The following CDC16 variants were observed in gnomAD, a reference collection of about 807,000 sequenced individuals.
CDC16 encodes cell division cycle 16.
CDC16 carries 34 observed loss-of-function variants against 87.0 expected under a neutral mutation model. The ratio of observed to expected loss-of-function variants is 0.39; its 90% CI spans 0.30 to 0.52. The LOEUF (loss-of-function observed/expected upper bound fraction) is 0.52, where lower values mean the gene tolerates loss of function less well. Ranked by LOEUF, CDC16 falls within the 20% of genes least tolerant of loss-of-function variation. CDC16 has a pLI of 0.74. For missense variants in CDC16, 653 were observed against 751.9 expected (o/e 0.87, Z 1.54); for synonymous variants, 263 against 260.6 (o/e 1.01, Z -0.09).
At chr13:114,266,597 C>G (rs1307130922) in intron 17 of CDC16, among the ~76,000 whole-genome samples, 5 of 152,198 alleles carry the variant, frequency 3.3e-5, no homozygotes, top group African/African-American at 1.2e-4. Context: ...CCCCTTAGAA[C>G]CTGGGTTTCG....
At chr13:114,258,025 TC>T (rs906467244) in intron 13 of CDC16, among the ~76,000 whole-genome samples, 2 of 152,156 alleles carry the variant, frequency 1.3e-5, no homozygotes, top group African/African-American at 4.8e-5. Context: ...GACCTGGTGA[TC>T]CGCCTGCCTC....
At chr13:114,248,159 C>T (rs1397556244) in intron 11 of CDC16, among the ~76,000 whole-genome samples, 2 of 152,126 alleles carry the variant, frequency 1.3e-5, no homozygotes, top group African/African-American at 4.8e-5. Context: ...GCTATTTAAC[C>T]AGTATTATTC....
intron 4 of CDC16, 53 bp from the exon 5 acceptor site, chr13:114,239,297 T>C (rs2138865986): frequency 1.3e-6 from 2 of 1,555,932 alleles, no homozygotes; most frequent in Non-Finnish European, 8.7e-7. Flanking sequence ...TCGGATCATG[T>C]GTTTCGTGTT....
At chr13:114,256,838 C>T (rs191852948) in intron 12 of CDC16, among the ~76,000 whole-genome samples, 1 of 151,918 alleles carries the variant, frequency 6.6e-6, no homozygotes, top group African/African-American at 2.4e-5. Flanking sequence ...TGTTTTTTTA[C>T]TGTGGAATAA....
At chr13:114,247,265 A>G (rs951906222) in intron 11 of CDC16, 11 of 413,766 alleles carry the variant, frequency 2.7e-5, no homozygotes, top group African/African-American at 4.1e-5. Flanking sequence ...TCAAACTCAA[A>G]TGATCCTCTT....
chr13:114,255,622 T>C (rs189769673), intron 12 of CDC16, among the ~76,000 whole-genome samples: 1 of 152,090 alleles, frequency 6.6e-6, no homozygotes, highest in Non-Finnish European at 1.5e-5. Context: ...CCCAGACACT[T>C]CTGGTCTCAA....
intron 8 of CDC16, among the ~76,000 whole-genome samples, chr13:114,244,300 C>T (rs566238744): frequency 1.3e-5 from 2 of 152,326 alleles, no homozygotes; most frequent in South Asian, 4.1e-4. Context: ...AATTATGAGA[C>T]TCACACTGTA....
intron 11 of CDC16, among the ~76,000 whole-genome samples, chr13:114,249,989 T>TCCATTA (rs1375248030): frequency 2.6e-5 from 4 of 152,196 alleles, no homozygotes; most frequent in African/African-American, 7.2e-5. Flanking sequence ...TGGATGTTAA[T>TCCATTA]GTTTTTGAGG....
At chr13:114,244,997 T>TAAA (rs2081777911) in intron 9 of CDC16, 28 bp downstream of exon 9, 1 of 1,301,594 alleles carries the variant, frequency 7.7e-7, no homozygotes, top group South Asian at 1.3e-5. Flanking sequence ...ATTAAAGTAA[T>TAAA]TCTTAGACAT....
At chr13:114,242,068 AAGTT>A in intron 5 of CDC16, 49 bp from the exon 6 acceptor site, 4 of 1,548,368 alleles carry the variant, frequency 2.6e-6, no homozygotes, top group Non-Finnish European at 2.6e-6. Context: ...GAAAAAAAAA[AAGTT>A]AAGTTTAAAA....
At chr13:114,239,778 C>T (rs780715363) in intron 5 of CDC16, among the ~76,000 whole-genome samples, 13 of 152,120 alleles carry the variant, frequency 8.5e-5, no homozygotes, top group South Asian at 2.1e-4. Flanking sequence ...AATTTTTCTT[C>T]TCCTTTCTGT....
rs1355228137 is a variant in CDC16, at chr13:114,235,144, C to T, written c.48+12C>T. ...AGTACCTCGACCAGGTGGGCGGCCCCGACTCGGGGTGCGGGGCCCAGGCCT... is the reference window on the plus strand; with the variant it reads ...AGTACCTCGACCAGGTGGGCGGCCCTGACTCGGGGTGCGGGGCCCAGGCCT... On this transcript the variant is annotated intron_variant, in intron 1 of 17. Coordinates refer to ENST00000356221, the MANE Select transcript of CDC16 (RefSeq NM_001078645.3). The T allele has an allele frequency of 4.0e-6, 5 of 1,241,558 alleles. No individual in the cohort carries two copies. In the African/African-American group the frequency reaches 4.7e-5, roughly 12 times the overall value. 76.9% of individuals were successfully genotyped at this position (1,241,558 alleles called of 1,614,324 possible). A position where few individuals can be genotyped will look rare whatever the true frequency, so the allele number is the denominator to read the frequency against.
At chr13:114,269,191 A>C (rs2083442028) in intron 17 of CDC16, among the ~76,000 whole-genome samples, 1 of 152,176 alleles carries the variant, frequency 6.6e-6, no homozygotes, top group Non-Finnish European at 1.5e-5. Flanking sequence ...TAGGGAGCTC[A>C]GCTTGGGTGC....
chr13:114,259,094 TAAAAAAAAA>T (rs5807005), intron 13 of CDC16, among the ~76,000 whole-genome samples: 4 of 111,456 alleles, frequency 3.6e-5, no homozygotes, highest in African/African-American at 9.9e-5. Context: ...GTGAGACTCT[TAAAAAAAAA>T]AAAAAAAAAA....
At chr13:114,236,778 T>TA in intron 2 of CDC16, 21 bp from the exon 3 acceptor site, 1 of 1,612,346 alleles carries the variant, frequency 6.2e-7, no homozygotes, top group Non-Finnish European at 8.5e-7. Context: ...TCTGACCACT[T>TA]ATGTGAATTT....
At chr13:114,265,054 C>T (rs2083112325) in intron 16 of CDC16, 96 bp from the exon 17 acceptor site, 1 of 907,218 alleles carries the variant, frequency 1.1e-6, no homozygotes, top group African/African-American at 1.6e-5. Flanking sequence ...CCACTTCCCC[C>T]ACCCTGGATG....
chr13:114,267,865 C>T (rs898623826), intron 17 of CDC16, among the ~76,000 whole-genome samples: 4 of 152,184 alleles, frequency 2.6e-5, no homozygotes, highest in Non-Finnish European at 5.9e-5. Context: ...TCTCTCATTC[C>T]TCCAAGGAGA....
At chr13:114,250,349 G>A (rs12586012) in intron 11 of CDC16, among the ~76,000 whole-genome samples, 200 bp from the exon 12 acceptor site, 1,732 of 152,110 alleles carry the variant, frequency 0.011, 94 homozygotes, top group Admixed American at 0.08. Flanking sequence ...AAAATTAGCC[G>A]GGCATGGTGG....
At chr13:114,242,677 G>C (rs1278671347) in intron 6 of CDC16, 3 of 176,706 alleles carry the variant, frequency 1.7e-5, no homozygotes, top group Non-Finnish European at 3.6e-5. Flanking sequence ...CAGGCACTGA[G>C]AATCAGTCCA....
Sources: gnomAD v4.1 joint callset for allele counts (sites outside exome capture counted in the v4.1 genomes callset) on GRCh38, gnomAD v4.1.1 for gene constraint, MANE v1.5 for transcripts, NCBI Gene and HGNC (gene_info 2026-07-23, HGNC 2026-07-21) for gene names.